The following CARM1 variants were observed in gnomAD, a reference collection of about 807,000 sequenced individuals.
CARM1 encodes coactivator associated arginine methyltransferase 1.
Under a neutral mutation model 72.7 loss-of-function variants are expected in CARM1, and 14 were observed. That is an observed-to-expected ratio of 0.19 (90% CI 0.13 to 0.30). CARM1 has a LOEUF of 0.30. Ranked by LOEUF, CARM1 falls within the 10% of genes least tolerant of loss-of-function variation. CARM1 has a pLI of 1.00. For missense variants in CARM1, 432 were observed against 833.7 expected (o/e 0.52, Z 5.93); for synonymous variants, 333 against 345.5 (o/e 0.96, Z 0.40).
At chr19:10,901,584 C>T (rs1333689465) in intron 1 of CARM1, among the ~76,000 whole-genome samples, 2 of 152,184 alleles carry the variant, frequency 1.3e-5, no homozygotes, top group Non-Finnish European at 2.9e-5. Context: ...CTTGGCCTCC[C>T]AAAGTGCTGG....
intron 8 of CARM1, chr19:10,919,228 C>T (rs1321350821): frequency 5.1e-6 from 1 of 197,056 alleles, no homozygotes; most frequent in Non-Finnish European, 1.0e-5. Flanking sequence ...TTCATTCTTT[C>T]TCACGTCCGC....
intron 1 of CARM1, among the ~76,000 whole-genome samples, chr19:10,903,154 C>A (rs1426965280): frequency 2.0e-5 from 3 of 152,130 alleles, no homozygotes; most frequent in Non-Finnish European, 2.9e-5. Context: ...GCATCCTTAT[C>A]AAAAATCAAT....
rs764885947 is a variant in CARM1, at chr19:10,921,407, C to A, written c.1648C>A (p.Arg550=). The stretch of plus-strand genomic sequence containing the variant: ...GGGGATTGTCAATCACACCCACTCC[C>A]GGATGGGCTCCATAATGAGCACGGG... The part of the protein sequence containing the change: ...NTGIVNHTHS[R]MGSIMSTGIV... Residue 550 remains arginine, a synonymous_variant, in exon 15 of 16, where the codon CGG becomes AGG. Transcript: ENST00000327064. 3.7e-6 allele frequency: 6 copies of A among 1,610,110 alleles called. No individual in the cohort carries two copies. The highest frequency in any genetic ancestry group is 2.2e-5 in the South Asian group (2 of 90,622).
intron 1 of CARM1, among the ~76,000 whole-genome samples, chr19:10,884,565 G>A (rs929292296): frequency 6.6e-6 from 1 of 151,532 alleles, no homozygotes. Context: ...CCCTCCCCCT[G>A]TGCTTGCCTT....
rs1311341972 is a variant in CARM1 at position 10,915,787 on chromosome 19, G to T, written c.848-620G>T. Among the ~76,000 whole-genome samples, 1 of 152,142 alleles carries T rather than the reference G, an allele frequency of 6.6e-6. No homozygotes were observed. Among genetic ancestry groups the T allele is most frequent in the Non-Finnish European group, 1.5e-5 (1 of 68,000 alleles). On this transcript the variant is annotated intron_variant, in intron 6 of 15. Coordinates refer to ENST00000327064, the MANE Select transcript of CARM1 (RefSeq NM_199141.2). The surrounding 1 kb of genome is among the most constrained non-coding windows in gnomAD (Gnocchi z 4.6). ...CCTGATCCTCCCTGCCACTGGCCCT[G>T]ACTCATGCGTCTACCCTTGAGTCAC...
At position 10,912,158 on chromosome 19, in the gene CARM1, G is replaced by A. The variant is rs368793661; in HGVS notation, c.559-26G>A. On this transcript the variant is annotated intron_variant, in intron 4 of 15. Transcript: ENST00000327064. The surrounding 1 kb of genome is among the most constrained non-coding windows in gnomAD (Gnocchi z 4.5). Reference sequence around the variant, plus strand: ...CCATCACCGTCGCCTCCTATGTCTCGCTCTCACCTCCCACTCCTCCCTCAG... The same window carrying A: ...CCATCACCGTCGCCTCCTATGTCTCACTCTCACCTCCCACTCCTCCCTCAG... The A allele has an allele frequency of 3.0e-5, 47 of 1,573,812 alleles. No individual in the cohort carries two copies. Among genetic ancestry groups the A allele is most frequent in the African/African-American group, 1.5e-4 (11 of 74,054 alleles).
chr19:10,891,850 A>G (rs1418464497), intron 1 of CARM1, among the ~76,000 whole-genome samples: 1 of 152,154 alleles, frequency 6.6e-6, no homozygotes, highest in Non-Finnish European at 1.5e-5. Context: ...CGCACGCATA[A>G]ATCTCTCCTC....
chr19:10,879,827 C>T (rs1013120369), intron 1 of CARM1, among the ~76,000 whole-genome samples: 1 of 152,180 alleles, frequency 6.6e-6, no homozygotes, highest in African/African-American at 2.4e-5. Context: ...TTTGGCCAGG[C>T]TGGTCTTGAA....
At chr19:10,891,328 T>C (rs1156833464) in intron 1 of CARM1, among the ~76,000 whole-genome samples, 4 of 152,110 alleles carry the variant, frequency 2.6e-5, no homozygotes, top group African/African-American at 4.8e-5. Flanking sequence ...GATGGTCCCT[T>C]GCTTGCAGGT....
rs1467695939 is a variant in CARM1 at position 10,905,938 on chromosome 19, G to GC, written c.346+866dup. On this transcript the variant is annotated intron_variant, in intron 2 of 15. Transcript: ENST00000327064. ...TTACAGATGTGAGCCACCGTGCCCG[G>GC]CCCCTTTTTTTTTTTTTTTTTTTTT... 3.3e-3 allele frequency among the ~76,000 whole-genome samples: 476 copies of GC among 143,100 alleles called. 4 individuals are homozygous for GC. The highest frequency in any genetic ancestry group is 6.9e-3 in the African/African-American group (261 of 37,932). The allele number at this position is 143,100 out of a possible 152,430, so 93.9% of individuals were successfully genotyped here.
intron 5 of CARM1, among the ~76,000 whole-genome samples, chr19:10,913,442 G>T (rs2074169662): frequency 6.6e-6 from 1 of 151,922 alleles, no homozygotes; most frequent in Non-Finnish European, 1.5e-5. Context: ...GGAGGCTGAG[G>T]TGGGAGAATC....
At position 10,913,895 on chromosome 19, in the gene CARM1, A is replaced by C. The variant is rs2074174475; in HGVS notation, c.688A>C (p.Asn230His). ...CCTGCAGGTCTTGGTGAAGAGTAACAACCTGACGGACCGCATCGTGGTCAT... is the reference window on the plus strand; with the variant it reads ...CCTGCAGGTCTTGGTGAAGAGTAACCACCTGACGGACCGCATCGTGGTCAT... ...QHAEVLVKSNNLTDRIVVIPG... is the reference protein window; with the variant it reads ...QHAEVLVKSNHLTDRIVVIPG... Residue 230 changes from asparagine to histidine, a missense_variant, in exon 6 of 16, where the codon AAC becomes CAC. By Grantham distance (68) the Asn-to-His change is moderately conservative. Transcript: ENST00000327064. 6.2e-7 allele frequency: 1 copy of C among 1,613,116 alleles called. No individual in the cohort carries two copies. The highest frequency in any genetic ancestry group is 1.1e-5 in the South Asian group (1 of 91,072).
intron 1 of CARM1, among the ~76,000 whole-genome samples, chr19:10,873,619 G>A (rs796177242): frequency 2.7e-5 from 2 of 72,760 alleles, no homozygotes; most frequent in African/African-American, 1.0e-4. Flanking sequence ...AACAATTTTA[G>A]TTTAGTTTTT....
intron 1 of CARM1, among the ~76,000 whole-genome samples, chr19:10,884,013 G>GTTTT (rs772915996): frequency 2.0e-5 from 2 of 100,554 alleles, no homozygotes; most frequent in African/African-American, 3.8e-5. Flanking sequence ...GCGAGACTCT[G>GTTTT]TTTTTTTTTT....
rs1307172151 is a variant in CARM1 at position 10,912,887 on chromosome 19, C to G, written c.669+593C>G. ...TCCTTCCAGGTCTTCACGTGGCCAA[C>G]GCTGCTGTCCTGAGCCCCTCTCCCA... On this transcript the variant is annotated intron_variant, in intron 5 of 15. Coordinates refer to ENST00000327064, the MANE Select transcript of CARM1 (RefSeq NM_199141.2). This position sits in a 1 kb window ranked among gnomAD's most constrained non-coding sequence, Gnocchi z 4.5. Among the ~76,000 whole-genome samples the G allele has an allele frequency of 6.6e-6, 1 of 152,220 alleles. No individual in the cohort carries two copies. Among genetic ancestry groups the G allele is most frequent in the Non-Finnish European group, 1.5e-5 (1 of 68,032 alleles).
rs2074188714 is a variant in CARM1, at chr19:10,915,560, C to T, written c.848-847C>T. 6.6e-6 allele frequency among the ~76,000 whole-genome samples: 1 copy of T among 152,124 alleles called. No individual in the cohort carries two copies. The highest frequency in any genetic ancestry group is 2.4e-5 in the African/African-American group (1 of 41,434). On this transcript the variant is annotated intron_variant, in intron 6 of 15. Transcript: ENST00000327064. This position sits in a 1 kb window ranked among gnomAD's most constrained non-coding sequence, Gnocchi z 4.6. ...CTTCCCATGGTGCCCCCAGGTCCCC[C>T]AGGGCAGAAGCCGCAGCATGTGCAT...
chr19:10,877,462 G>T (rs1478103214), intron 1 of CARM1, among the ~76,000 whole-genome samples: 1 of 152,114 alleles, frequency 6.6e-6, no homozygotes, highest in Admixed American at 6.5e-5. Context: ...TCACTGTGTT[G>T]CCCAGGCTGG....
At chr19:10,886,355 G>A (rs912116676) in intron 1 of CARM1, among the ~76,000 whole-genome samples, 25 of 151,210 alleles carry the variant, frequency 1.7e-4, no homozygotes, top group African/African-American at 1.7e-4. Flanking sequence ...CACCGTGCCC[G>A]GCCTAATTTT....
chr19:10,900,146 C>CA (rs75511286), intron 1 of CARM1, among the ~76,000 whole-genome samples: 5,835 of 152,052 alleles, frequency 0.038, 460 homozygotes, highest in East Asian at 0.36. Flanking sequence ...CTCATTTCTA[C>CA]AAAAAAATAA....
Sources: gnomAD v4.1 joint callset for allele counts (sites outside exome capture counted in the v4.1 genomes callset) on GRCh38, gnomAD v4.1.1 for gene constraint, Gnocchi (gnomAD v3.1) non-coding constraint, MANE v1.5 for transcripts, NCBI Gene and HGNC (gene_info 2026-07-23, HGNC 2026-07-21) for gene names.